MED13L: variants seen among roughly 807,000 people sequenced by gnomAD.
MED13L encodes mediator complex subunit 13L, also known as mediator of RNA polymerase II transcription subunit 13-like.
MED13L carries 7 observed loss-of-function variants against 220.9 expected under a neutral mutation model. That is an observed-to-expected ratio of 0.03 (90% CI 0.02 to 0.06). MED13L has a LOEUF of 0.06. Ranked by LOEUF, MED13L falls within the 10% of genes least tolerant of loss-of-function variation. The pLI, the probability that MED13L is intolerant of heterozygous loss-of-function variation, is 1.00. For missense variants in MED13L, 1,965 were observed against 2,760.5 expected (o/e 0.71, Z 6.46); for synonymous variants, 1,011 against 1,015.2 (o/e 1.00, Z 0.08).
At chr12:116,219,666 C>G (rs1883196086) in intron 2 of MED13L, among the ~76,000 whole-genome samples, 1 of 152,116 alleles carries the variant, frequency 6.6e-6, no homozygotes, top group African/African-American at 2.4e-5. Flanking sequence ...ATTTCCCAAC[C>G]AAATTATTTT....
intron 2 of MED13L, among the ~76,000 whole-genome samples, chr12:116,116,298 A>G (rs1239805618): frequency 6.6e-6 from 1 of 152,142 alleles, no homozygotes; most frequent in African/African-American, 2.4e-5. Context: ...CTAATGGACA[A>G]TTAACAATGA....
intron 2 of MED13L, among the ~76,000 whole-genome samples, chr12:116,144,079 C>G (rs1877291212): frequency 1.3e-5 from 2 of 152,180 alleles, no homozygotes; most frequent in Non-Finnish European, 2.9e-5. Context: ...GTGTTCCATA[C>G]ACAGCACACA....
In MED13L at chr12:115,998,549, G is replaced by T. The variant is rs192822034; in HGVS notation, c.2570-1319C>A. Among the ~76,000 whole-genome samples, 54 of 152,294 alleles carry T rather than the reference G, an allele frequency of 3.5e-4. No individual in the cohort carries two copies. In the East Asian group the frequency reaches 6.6e-3, roughly 19 times the overall value. ...TTCCTTCATCTAACAGGGAAGGCAGGGCTAGATGGATGACTCTCAATGGGC... is the reference window on the plus strand; with the variant it reads ...TTCCTTCATCTAACAGGGAAGGCAGTGCTAGATGGATGACTCTCAATGGGC... On this transcript the variant is annotated intron_variant, in intron 14 of 30. Coordinates refer to ENST00000281928, the MANE Select transcript of MED13L (RefSeq NM_015335.5).
At chr12:116,032,286 C>A (rs1410409885) in intron 4 of MED13L, among the ~76,000 whole-genome samples, 1 of 152,000 alleles carries the variant, frequency 6.6e-6, no homozygotes, top group Non-Finnish European at 1.5e-5. Flanking sequence ...AACACAGAGT[C>A]AAGAATAGCC....
intron 2 of MED13L, among the ~76,000 whole-genome samples, chr12:116,231,088 T>C (rs1459392857): frequency 6.6e-6 from 1 of 152,250 alleles, no homozygotes; most frequent in African/African-American, 2.4e-5. Flanking sequence ...GCAGTCTTCA[T>C]GTGATCTCAA....
At chr12:116,008,357 T>C (rs200527822) in intron 10 of MED13L, 44 bp downstream of exon 10, 182 of 1,568,102 alleles carry the variant, frequency 1.2e-4, no homozygotes, top group Non-Finnish European at 1.5e-4. Flanking sequence ...AGGGAGCCCA[T>C]GCCCTTCCGG....
chr12:116,111,599 CA>C, intron 2 of MED13L, 87 bp from the exon 3 acceptor site: 1 of 986,922 alleles, frequency 1.0e-6, no homozygotes. Flanking sequence ...TTTTCTAAAG[CA>C]AAGTTCATGA....
At chr12:116,020,034 C>T in intron 5 of MED13L, 62 bp from the exon 6 acceptor site, 1 of 1,416,796 alleles carries the variant, frequency 7.1e-7, no homozygotes. Context: ...TTAAGTGCAA[C>T]ACTACATATG....
chr12:116,003,254 A>T (rs1369826073), intron 13 of MED13L, 152 bp from the exon 14 acceptor site: 3 of 701,836 alleles, frequency 4.3e-6, no homozygotes, highest in East Asian at 5.4e-5. Context: ...AGTGAAACAA[A>T]GGAGATGGTT....
chr12:115,964,346 G>C (rs1395011494), intron 29 of MED13L, among the ~76,000 whole-genome samples: 1 of 152,094 alleles, frequency 6.6e-6, no homozygotes, highest in African/African-American at 2.4e-5. Flanking sequence ...AACATGATCT[G>C]TACATGACAA....
chr12:116,202,111 A>AAT, intron 2 of MED13L, among the ~76,000 whole-genome samples: 1 of 152,216 alleles, frequency 6.6e-6, no homozygotes, highest in Admixed American at 6.5e-5. Context: ...AATGAGCCAA[A>AAT]TCCACACAAC....
chr12:116,024,590 T>C (rs192274663), intron 4 of MED13L, among the ~76,000 whole-genome samples: 24 of 152,282 alleles, frequency 1.6e-4, no homozygotes, highest in Admixed American at 1.4e-3. Flanking sequence ...CCTTTCACTC[T>C]GTTGGTCAGT....
intron 25 of MED13L, among the ~76,000 whole-genome samples, chr12:115,974,844 ATT>A (rs909055044): frequency 6.6e-6 from 1 of 152,198 alleles, no homozygotes; most frequent in Non-Finnish European, 1.5e-5. Flanking sequence ...CTGATATAAA[ATT>A]TTTGTCTTAA....
rs191938580 is a variant in MED13L at position 116,086,970 on chromosome 12, C to T, written c.479+9699G>A. 7.1e-3 allele frequency among the ~76,000 whole-genome samples: 1,080 copies of T among 152,058 alleles called. 8 individuals are homozygous for T. The highest frequency in any genetic ancestry group is 0.025 in the African/African-American group (1,043 of 41,482). On this transcript the variant is annotated intron_variant, in intron 4 of 30. Coordinates refer to ENST00000281928, the MANE Select transcript of MED13L (RefSeq NM_015335.5). ...TTATTTTAGGGGTAAAATCAGTATA[C>T]GATATGACATTTCTTATATTGCCAT...
At chr12:116,215,511 A>G (rs1039970049) in intron 2 of MED13L, among the ~76,000 whole-genome samples, 2 of 152,170 alleles carry the variant, frequency 1.3e-5, no homozygotes, top group Non-Finnish European at 2.9e-5. Flanking sequence ...TTCCAATTCA[A>G]TATCTCCTAT....
chr12:116,160,638 T>C (rs1213148449), intron 2 of MED13L, among the ~76,000 whole-genome samples: 1 of 151,828 alleles, frequency 6.6e-6, no homozygotes, highest in Non-Finnish European at 1.5e-5. Context: ...TGCAGTGGCA[T>C]GATCAGAGCT....
intron 1 of MED13L, among the ~76,000 whole-genome samples, chr12:116,260,589 C>A (rs1565955003): frequency 6.6e-6 from 1 of 152,128 alleles, no homozygotes; most frequent in Non-Finnish European, 1.5e-5. Context: ...AGCTAAGTGT[C>A]ACGGAAACAA....
rs1023810107 is a variant in MED13L, at chr12:116,036,163, T to C, written c.480-13562A>G. On this transcript the variant is annotated intron_variant, in intron 4 of 30. Transcript: ENST00000281928. ...ACCTAATATTCACCAGATAGATGAA[T>C]GCAGTTTCAGTCATAACCAAAGATT... Among the ~76,000 whole-genome samples, 4 of 152,202 alleles carry C rather than the reference T, an allele frequency of 2.6e-5. No homozygotes were observed. The East Asian group carries it at 7.7e-4, about 29-fold the overall frequency.
chr12:116,065,665 C>T (rs1385331714), intron 4 of MED13L, among the ~76,000 whole-genome samples: 1 of 152,170 alleles, frequency 6.6e-6, no homozygotes, highest in Non-Finnish European at 1.5e-5. Flanking sequence ...CATCAAAACA[C>T]ATGTCCCAAG....
Sources: gnomAD v4.1 joint callset for allele counts (sites outside exome capture counted in the v4.1 genomes callset) on GRCh38, gnomAD v4.1.1 for gene constraint, MANE v1.5 for transcripts, NCBI Gene and HGNC (gene_info 2026-07-23, HGNC 2026-07-21) for gene names.